ASIC2: variants seen among roughly 807,000 people sequenced by gnomAD.
ASIC2 encodes acid-sensing ion channel 2.
Under a neutral mutation model 57.3 loss-of-function variants are expected in ASIC2, and 25 were observed. That is an observed-to-expected ratio of 0.44 (90% confidence interval 0.32 to 0.61). ASIC2 has a LOEUF of 0.61. Among genes scored for constraint, ASIC2 ranks in the 20% least tolerant of loss-of-function variants. The pLI is 0.06. For missense variants in ASIC2, 641 were observed against 738.1 expected, an observed-to-expected ratio of 0.87 and a Z score of 1.52; for synonymous variants, 319 against 307.5, an observed-to-expected ratio of 1.04 and a Z score of -0.39.
chr17:34,116,249 T>G (rs1598034534), intron 1 of ASIC2, among the ~76,000 whole-genome samples: 1 of 152,328 alleles, frequency 6.6e-6, no homozygotes, highest in East Asian at 1.9e-4. Context: ...ATGTATAATG[T>G]CAGAAAAATG....
At chr17:33,099,550 G>C (rs2092202323) in intron 2 of ASIC2, among the ~76,000 whole-genome samples, 1 of 152,184 alleles carries the variant, frequency 6.6e-6, no homozygotes, top group Non-Finnish European at 1.5e-5. Context: ...ATATGTATTT[G>C]TGAAAGCACC....
At position 33,945,464 on chromosome 17, in the gene ASIC2, C is replaced by T. The variant is rs73274583; in HGVS notation, c.555+210514G>A. 2.5e-3 allele frequency among the ~76,000 whole-genome samples: 385 copies of T among 152,126 alleles called. 3 individuals carry two copies. Among genetic ancestry groups the T allele is most frequent in the African/African-American group, 8.6e-3 (355 of 41,496 alleles). On this transcript the variant is annotated intron_variant, in intron 1 of 9. Coordinates refer to the ASIC2 transcript ENST00000359872. Reference sequence around the variant, plus strand: ...TTGGAGCCAGGAAAATGGTACTAGACGACAAATACAAAGGATAAGAGAAAT... The same window carrying T: ...TTGGAGCCAGGAAAATGGTACTAGATGACAAATACAAAGGATAAGAGAAAT...
rs141924027 is a variant in ASIC2, at chr17:33,705,966, A to G, written c.555+450012T>C. Among the ~76,000 whole-genome samples, 724 of 152,182 alleles carry G rather than the reference A, an allele frequency of 4.8e-3. 5 individuals carry two copies. The highest frequency in any genetic ancestry group is 0.016 in the African/African-American group (683 of 41,530). On this transcript the variant is annotated intron_variant, in intron 1 of 9. Transcript: ENST00000359872. ...GCAGTTACTTCTGGAAATTTTCTTGATATTTCCTGTTGAAGTGCATGTATA... is the reference window on the plus strand; with the variant it reads ...GCAGTTACTTCTGGAAATTTTCTTGGTATTTCCTGTTGAAGTGCATGTATA...
chr17:33,693,367 C>T (rs948569571), intron 1 of ASIC2, among the ~76,000 whole-genome samples: 2 of 152,090 alleles, frequency 1.3e-5, no homozygotes, highest in Non-Finnish European at 2.9e-5. Context: ...TTTCCTTGGC[C>T]TGAGCTTGAT....
chr17:33,192,424 CAAA>C (rs1195864643), intron 1 of ASIC2, among the ~76,000 whole-genome samples: 19 of 151,274 alleles, frequency 1.3e-4, no homozygotes, highest in East Asian at 3.9e-4. Flanking sequence ...CAAAACAAAA[CAAA>C]ACAAAACAAA....
intron 1 of ASIC2, among the ~76,000 whole-genome samples, chr17:33,164,574 A>AAG (rs1555576019): frequency 1.3e-5 from 1 of 79,038 alleles, no homozygotes; most frequent in Non-Finnish European, 2.8e-5. Context: ...AAGCACATGC[A>AAG]CGCACACACA....
chr17:33,127,346 GAA>G (rs2092328041), intron 1 of ASIC2, among the ~76,000 whole-genome samples: 1 of 152,120 alleles, frequency 6.6e-6, no homozygotes, highest in Non-Finnish European at 1.5e-5. Flanking sequence ...GGGACAGCAA[GAA>G]AAAATATTTC....
In ASIC2 at chr17:33,549,491, C is replaced by T. The variant is rs572797641; in HGVS notation, c.556-437424G>A. Among the ~76,000 whole-genome samples the T allele has an allele frequency of 2.6e-5, 4 of 152,288 alleles. No individual in the cohort carries two copies. In the South Asian group the frequency reaches 6.2e-4, roughly 24 times the overall value. On this transcript the variant is annotated intron_variant, in intron 1 of 9. Coordinates refer to the ASIC2 transcript ENST00000359872. Reference sequence around the variant, plus strand: ...TCATCACTTTAAAAACTCACCTCCTCTCTTAATTTTTTCTTACCTGCTTTA... The same window carrying T: ...TCATCACTTTAAAAACTCACCTCCTTTCTTAATTTTTTCTTACCTGCTTTA...
At chr17:33,541,275 A>T (rs1453802340) in intron 1 of ASIC2, 1 of 152,178 alleles carries the variant, frequency 6.6e-6, no homozygotes, top group East Asian at 1.9e-4. Flanking sequence ...CTTAAATTTT[A>T]CTCCGACAGG....
At chr17:33,086,268 T>C (rs2092133561) in intron 3 of ASIC2, among the ~76,000 whole-genome samples, 2 of 152,214 alleles carry the variant, frequency 1.3e-5, no homozygotes, top group South Asian at 4.1e-4. Context: ...TTACTAGTGG[T>C]GGGGAGAAGT....
chr17:33,191,830 C>A (rs954738331), intron 1 of ASIC2, among the ~76,000 whole-genome samples: 3 of 152,096 alleles, frequency 2.0e-5, no homozygotes, highest in African/African-American at 7.2e-5. Context: ...AACCAATCCC[C>A]CAGAATCATC....
intron 6 of ASIC2, among the ~76,000 whole-genome samples, chr17:33,021,511 C>T (rs748803401): frequency 1.3e-5 from 2 of 152,262 alleles, no homozygotes; most frequent in Non-Finnish European, 2.9e-5. Context: ...TGGAGGCCTA[C>T]ATCAGTTGCC....
At chr17:33,956,624 C>G (rs1037502098) in intron 1 of ASIC2, among the ~76,000 whole-genome samples, 1 of 152,124 alleles carries the variant, frequency 6.6e-6, no homozygotes, top group Non-Finnish European at 1.5e-5. Context: ...ATTTCTCAGC[C>G]CCAGAGGAGG....
chr17:33,910,466 A>G (rs1219369581), intron 1 of ASIC2, among the ~76,000 whole-genome samples: 1 of 152,178 alleles, frequency 6.6e-6, no homozygotes, highest in East Asian at 1.9e-4. Context: ...ACTTCCTCAG[A>G]GAGGATTTGC....
At chr17:33,857,916 A>G (rs906382135) in intron 1 of ASIC2, among the ~76,000 whole-genome samples, 1 of 152,260 alleles carries the variant, frequency 6.6e-6, no homozygotes, top group Non-Finnish European at 1.5e-5. Flanking sequence ...ACCAAGACCT[A>G]TAATGAGCAG....
At chr17:33,024,376 C>A (rs1325166915) in intron 5 of ASIC2, among the ~76,000 whole-genome samples, 2 of 152,112 alleles carry the variant, frequency 1.3e-5, no homozygotes, top group African/African-American at 4.8e-5. Context: ...TGTAGGAGAC[C>A]ATTTTATCTG....
At chr17:34,153,162 G>A (rs1391481478) in intron 1 of ASIC2, among the ~76,000 whole-genome samples, 4 of 152,162 alleles carry the variant, frequency 2.6e-5, no homozygotes, top group Non-Finnish European at 4.4e-5. Context: ...GAATAAGAAA[G>A]CTTATGCTAG....
At chr17:33,469,610 C>T (rs1912976334) in intron 1 of ASIC2, among the ~76,000 whole-genome samples, 1 of 152,198 alleles carries the variant, frequency 6.6e-6, no homozygotes, top group Non-Finnish European at 1.5e-5. Flanking sequence ...CAAAGAGTCT[C>T]AGCTGTGGAC....
intron 1 of ASIC2, chr17:33,290,961 CT>C (rs34352956): frequency 0.23 from 28,906 of 124,310 alleles, 3,318 homozygotes; most frequent in East Asian, 0.36. Flanking sequence ...CAAGCGCTTC[CT>C]TTTTTTTTTT....
Sources: allele counts gnomAD v4.1 joint callset (sites outside exome capture counted in the v4.1 genomes callset), GRCh38; gene constraint gnomAD v4.1.1; transcripts MANE v1.5; gene names NCBI Gene and HGNC (gene_info 2026-07-23, HGNC 2026-07-21).